The following ACACB variants were observed in gnomAD, a reference collection of about 807,000 sequenced individuals.
ACACB encodes acetyl-CoA carboxylase 2.
ACACB carries 209 observed loss-of-function variants against 278.8 expected under a neutral mutation model. The observed-to-expected ratio is 0.75, with a 90% CI of 0.67 to 0.84. The LOEUF is 0.84. Among genes scored for constraint, ACACB ranks in the 40% least tolerant of loss-of-function variants. The pLI is 0.00. For synonymous variants in ACACB, 1,174 were observed against 1,285.6 expected, an observed-to-expected ratio of 0.91 and a Z score of 1.86; for missense variants, 2,850 against 3,269.0, an observed-to-expected ratio of 0.87 and a Z score of 3.13.
chr12:109,183,849 A>T (rs887334187), intron 11 of ACACB, among the ~76,000 whole-genome samples: 26 of 151,834 alleles, frequency 1.7e-4, no homozygotes, highest in African/African-American at 6.3e-4. Context: ...TACGTTGCCC[A>T]GGCTGGTCTC....
intron 13 of ACACB, 64 bp downstream of exon 13, chr12:109,188,226 C>A: frequency 7.6e-7 from 1 of 1,318,170 alleles, no homozygotes; most frequent in Admixed American, 1.9e-5. Flanking sequence ...TCCTTCCTTC[C>A]TTCCTTCCCT....
chr12:109,242,732 A>G (rs1593682242), intron 37 of ACACB, 140 bp downstream of exon 37: 2 of 1,014,310 alleles, frequency 2.0e-6, no homozygotes, highest in East Asian at 5.1e-5. Flanking sequence ...TCACGCCTAT[A>G]ATCCCAGCAC....
intron 44 of ACACB, among the ~76,000 whole-genome samples, chr12:109,255,269 T>C (rs1205957840): frequency 6.6e-6 from 1 of 152,202 alleles, no homozygotes; most frequent in Non-Finnish European, 1.5e-5. Context: ...CTCCCGTCAC[T>C]ATATCCCAAA....
chr12:109,213,686 C>A (rs777039396), intron 22 of ACACB, among the ~76,000 whole-genome samples: 2 of 152,068 alleles, frequency 1.3e-5, no homozygotes, highest in African/African-American at 2.4e-5. Flanking sequence ...GCTCCGCCTC[C>A]CGGGTTCACG....
intron 29 of ACACB, among the ~76,000 whole-genome samples, chr12:109,233,294 T>C (rs951664803): frequency 6.6e-6 from 1 of 152,258 alleles, no homozygotes; most frequent in Non-Finnish European, 1.5e-5. Context: ...GTTACTGTTA[T>C]AGTCTTTTTT....
chr12:109,134,701 T>G (rs990662519), intron 1 of ACACB, among the ~76,000 whole-genome samples: 1 of 152,168 alleles, frequency 6.6e-6, no homozygotes, highest in African/African-American at 2.4e-5. Context: ...AGGCAAGGAC[T>G]AGGCAGAGGA....
intron 2 of ACACB, among the ~76,000 whole-genome samples, chr12:109,151,950 A>G (rs1039554660): frequency 2.0e-5 from 3 of 152,226 alleles, no homozygotes; most frequent in Non-Finnish European, 4.4e-5. Context: ...ACTGAATATT[A>G]TTCATTTCTT....
In ACACB at chr12:109,188,128, T is replaced by G; in HGVS notation, c.2110T>G (p.Phe704Val). ...EFADSQFGHC[F>V]SWGENREEAI... ...TGCGGATTCCCAATTTGGGCACTGC[T>G]TCTCCTGGGGAGAGAACCGGGAAGA... is the stretch of plus-strand genomic sequence containing the variant. Residue 704 changes from phenylalanine (F) to valine (V), a missense_variant, in exon 13 of 53, where the codon TTC becomes GTC. Around this residue, in one of 3 missense-constraint regions of ACACB, gnomAD observed 2,265 missense variants for 2,561.3 expected, o/e 0.88. Coordinates refer to ENST00000338432, the MANE Select transcript of ACACB (RefSeq NM_001093.4). 6.2e-7 allele frequency: 1 copy of G among 1,611,530 alleles called. No individual in the cohort carries two copies. Among genetic ancestry groups the G allele is most frequent in the Non-Finnish European group, 8.5e-7 (1 of 1,177,864 alleles).
rs201698181 is a variant in ACACB, at chr12:109,168,078, G to A, written c.925+44G>A. ...TCTCCTCCCATCACGCTCCATCCTT[G>A]CCTGCCCTCGCCTCCTTCCCCTGTG... On this transcript the variant is annotated intron_variant, in intron 4 of 52. Coordinates refer to ENST00000338432, the MANE Select transcript of ACACB (RefSeq NM_001093.4). The A allele has an allele frequency of 1.7e-4, 267 of 1,563,966 alleles. 1 individual carries two copies. The African/African-American group carries it at 3.0e-3, about 18-fold the overall frequency.
At chr12:109,184,237 G>T (rs953818827) in intron 11 of ACACB, among the ~76,000 whole-genome samples, 1 of 151,860 alleles carries the variant, frequency 6.6e-6, no homozygotes, top group Non-Finnish European at 1.5e-5. Context: ...ATTTTTAGTA[G>T]AGACGGGGCT....
chr12:109,199,189 CA>C (rs895607528), intron 17 of ACACB, among the ~76,000 whole-genome samples: 22 of 144,086 alleles, frequency 1.5e-4, no homozygotes, highest in Admixed American at 1.4e-4. Context: ...GACTCCGTCT[CA>C]AAAAAAAAAA....
At chr12:109,260,380 G>T in intron 47 of ACACB, 100 bp from the exon 48 acceptor site, 1 of 1,450,038 alleles carries the variant, frequency 6.9e-7, no homozygotes, top group East Asian at 2.3e-5. Flanking sequence ...AAGCCTCTCA[G>T]CTGGGCTCAC....
chr12:109,238,089 C>T (rs1258980688), intron 34 of ACACB, among the ~76,000 whole-genome samples: 1 of 148,698 alleles, frequency 6.7e-6, no homozygotes, highest in Non-Finnish European at 1.5e-5. Context: ...AGACTGAAAA[C>T]GATTTTTAAG....
chr12:109,206,974 TTTTATTTTA>T (rs1297996268), intron 20 of ACACB, 118 bp downstream of exon 20: 1 of 1,196,906 alleles, frequency 8.4e-7, no homozygotes, highest in African/African-American at 1.6e-5. Context: ...CCTCTGTTGT[TTTTATTTTA>T]TTTATTTTAT....
At chr12:109,194,187 T>TG (rs1297417158) in intron 16 of ACACB, among the ~76,000 whole-genome samples, 4,591 of 142,788 alleles carry the variant, frequency 0.032, 175 homozygotes, top group African/African-American at 0.11. Flanking sequence ...CTGTTTTTTT[T>TG]TTTTGTTGTT....
intron 50 of ACACB, 89 bp downstream of exon 50, chr12:109,264,475 C>T (rs1371923971): frequency 6.5e-6 from 6 of 926,270 alleles, no homozygotes; most frequent in Admixed American, 3.8e-5. Flanking sequence ...GCGGGGAGGG[C>T]GGTGGTGGTT....
At chr12:109,264,200 A>G in intron 49 of ACACB, 32 bp from the exon 50 acceptor site, 4 of 1,610,440 alleles carry the variant, frequency 2.5e-6, no homozygotes, top group Non-Finnish European at 3.4e-6. Flanking sequence ...ACCAGCTTCC[A>G]TGGCTTGACT....
chr12:109,217,235 T>C (rs969182471), intron 24 of ACACB, among the ~76,000 whole-genome samples: 1 of 152,200 alleles, frequency 6.6e-6, no homozygotes, highest in Admixed American at 6.5e-5. Flanking sequence ...TGAGCCGAGA[T>C]TGTGCCATTG....
rs377654795 is a variant in ACACB at position 109,259,008 on chromosome 12, C to A, written c.6396C>A (p.Asp2132Glu). 7.4e-6 allele frequency: 12 copies of A among 1,614,068 alleles called. No individual in the cohort carries two copies. In the African/African-American group the frequency reaches 1.3e-4, roughly 18 times the overall value. The change falls in exon 47 of 53, where the codon GAC becomes GAA. Residue 2132 changes from aspartate to glutamate, a missense_variant. Around this residue, in one of 3 missense-constraint regions of ACACB, gnomAD observed 579 missense variants for 684.6 expected, o/e 0.85. Transcript: ENST00000338432. ...AGGCAGGACAGGTGTGGTTCCCAGA[C>A]TCAGCCTACAAAACCGCCCAGGCCG... ...IQQAGQVWFP[D>E]SAYKTAQAVK...
Sources: allele counts gnomAD v4.1 joint callset (sites outside exome capture counted in the v4.1 genomes callset), GRCh38; gene constraint gnomAD v4.1.1; regional missense constraint gnomAD v4.1.1; transcripts MANE v1.5; gene names NCBI Gene and HGNC (gene_info 2026-07-23, HGNC 2026-07-21).